PRLR: variants seen among roughly 807,000 people sequenced by gnomAD.
PRLR encodes the protein prolactin receptor.
Under a neutral mutation model 40.2 loss-of-function variants are expected in PRLR, and 13 were observed. The observed-to-expected ratio is 0.32, with a 90% CI of 0.21 to 0.51. The LOEUF is 0.51. Among genes scored for constraint, PRLR ranks in the 20% least tolerant of loss-of-function variants. The probability of loss-of-function intolerance (pLI) is 0.97; values close to 1 mark genes in which losing one functional copy is unlikely to be tolerated. For synonymous variants in PRLR, 269 were observed against 278.7 expected (o/e 0.97, Z 0.35); for missense variants, 656 against 747.3 (o/e 0.88, Z 1.42).
At chr5:35,225,045 A>G (rs13354826) in intron 1 of PRLR, among the ~76,000 whole-genome samples, 42,459 of 152,038 alleles carry the variant, frequency 0.28, 7,130 homozygotes, top group South Asian at 0.44. Context: ...ACTGCATGAG[A>G]TTACTTATTT....
intron 7 of PRLR, among the ~76,000 whole-genome samples, 183 bp from the exon 8 acceptor site, chr5:35,069,061 T>C: frequency 1.3e-5 from 2 of 152,342 alleles, no homozygotes; most frequent in South Asian, 4.1e-4. Context: ...TATTAATATG[T>C]TAATATGTTG....
intron 1 of PRLR, among the ~76,000 whole-genome samples, chr5:35,219,080 G>A (rs115672590): frequency 0.03 from 4,537 of 152,236 alleles, 89 homozygotes; most frequent in Middle Eastern, 0.071. Context: ...GTTTAGATGT[G>A]AGGCCTTCCT....
At chr5:35,078,963 G>A (rs985031968) in intron 5 of PRLR, among the ~76,000 whole-genome samples, 3 of 152,148 alleles carry the variant, frequency 2.0e-5, no homozygotes, top group Non-Finnish European at 4.4e-5. Flanking sequence ...AAAACCACAT[G>A]ATTATCTCAA....
intron 5 of PRLR, 103 bp downstream of exon 5, chr5:35,084,367 T>C: frequency 8.6e-7 from 1 of 1,165,022 alleles, no homozygotes; most frequent in Non-Finnish European, 1.2e-6. Flanking sequence ...TCATCTTTCT[T>C]TTTGGGGATC....
intron 1 of PRLR, among the ~76,000 whole-genome samples, chr5:35,168,268 G>A (rs7729932): frequency 0.29 from 43,394 of 151,776 alleles, 6,337 homozygotes; most frequent in Middle Eastern, 0.34. Context: ...GAAGATGTTA[G>A]CGCACCATTC....
At chr5:35,085,836 T>G (rs2112460812) in intron 4 of PRLR, among the ~76,000 whole-genome samples, 1 of 152,322 alleles carries the variant, frequency 6.6e-6, no homozygotes, top group African/African-American at 2.4e-5. Flanking sequence ...TTTGAAACAT[T>G]ACATCAATAT....
chr5:35,204,959 C>T (rs1454279102), intron 1 of PRLR, among the ~76,000 whole-genome samples: 2 of 151,998 alleles, frequency 1.3e-5, no homozygotes, highest in Non-Finnish European at 1.5e-5. Context: ...CCCTTCTTCC[C>T]CAGGACACTT....
chr5:35,215,712 T>C (rs1212792262), intron 1 of PRLR, among the ~76,000 whole-genome samples: 1 of 151,954 alleles, frequency 6.6e-6, no homozygotes, highest in East Asian at 1.9e-4. Context: ...TTCTGGGTCC[T>C]TGGAAGAGTG....
chr5:35,080,146 A>G (rs981887073), intron 5 of PRLR, among the ~76,000 whole-genome samples: 3 of 152,240 alleles, frequency 2.0e-5, no homozygotes, highest in Non-Finnish European at 4.4e-5. Flanking sequence ...CTTCATGACT[A>G]AAACACCAAA....
chr5:35,091,456 G>A (rs1300348024), intron 2 of PRLR, among the ~76,000 whole-genome samples: 1 of 152,196 alleles, frequency 6.6e-6, no homozygotes, highest in African/African-American at 2.4e-5. Flanking sequence ...GCAGCTACAG[G>A]TTTTAACAGA....
At chr5:35,075,538 G>A (rs1012847261) in intron 5 of PRLR, among the ~76,000 whole-genome samples, 40 of 152,342 alleles carry the variant, frequency 2.6e-4, no homozygotes, top group African/African-American at 9.6e-4. Flanking sequence ...AAAGTGGCCA[G>A]GAAGCTGGAA....
rs58727265 is a variant in PRLR, at chr5:35,119,386, TCACA to T, written c.-105-1268_-105-1265del. Among the ~76,000 whole-genome samples, 80 of 145,720 alleles carry T rather than the reference TCACA, an allele frequency of 5.5e-4. 1 individual carries two copies. The highest frequency in any genetic ancestry group is 1.8e-3 in the South Asian group (8 of 4,526). On this transcript the variant is annotated intron_variant, in intron 1 of 9. Coordinates refer to ENST00000618457, the MANE Select transcript of PRLR (RefSeq NM_000949.7). ...CATTGACAACCTCTCTCTCTCTCTC[TCACA>T]CACACACACACACACACACACACAC...
At chr5:35,194,269 C>G (rs1476426669) in intron 1 of PRLR, among the ~76,000 whole-genome samples, 2 of 152,132 alleles carry the variant, frequency 1.3e-5, no homozygotes, top group Non-Finnish European at 1.5e-5. Flanking sequence ...TGACATGGTT[C>G]CTGCCCTCAT....
chr5:35,085,599 T>G (rs563484798), intron 4 of PRLR, among the ~76,000 whole-genome samples: 1 of 152,300 alleles, frequency 6.6e-6, no homozygotes, highest in East Asian at 1.9e-4. Flanking sequence ...CCCTACAAGG[T>G]TCTTTATTTT....
intron 1 of PRLR, among the ~76,000 whole-genome samples, chr5:35,210,924 C>T (rs934450784): frequency 6.6e-6 from 1 of 152,106 alleles, no homozygotes; most frequent in Non-Finnish European, 1.5e-5. Context: ...GTTGCCCAGG[C>T]TGGTCTCAAA....
At chr5:35,173,954 G>A (rs1283419988) in intron 1 of PRLR, among the ~76,000 whole-genome samples, 1 of 152,000 alleles carries the variant, frequency 6.6e-6, no homozygotes, top group African/African-American at 2.4e-5. Flanking sequence ...TTTACATTAG[G>A]TATATCTCCT....
chr5:35,203,927 G>A (rs906928745), intron 1 of PRLR, among the ~76,000 whole-genome samples: 15 of 151,810 alleles, frequency 9.9e-5, no homozygotes, highest in Non-Finnish European at 1.2e-4. Context: ...CGAGAAAGTC[G>A]GATTGATTTT....
chr5:35,084,156 C>T (rs898760840), intron 5 of PRLR, among the ~76,000 whole-genome samples: 3 of 152,064 alleles, frequency 2.0e-5, no homozygotes, highest in Non-Finnish European at 2.9e-5. Context: ...AAGGAAGAAG[C>T]GGACATCAAT....
At chr5:35,222,504 A>G (rs547572709) in intron 1 of PRLR, among the ~76,000 whole-genome samples, 62 of 152,276 alleles carry the variant, frequency 4.1e-4, no homozygotes, top group African/African-American at 1.3e-3. Context: ...AACTATAAAT[A>G]TGCAAGGCCA....
Sources: gnomAD v4.1 joint callset for allele counts (sites outside exome capture counted in the v4.1 genomes callset) on GRCh38, gnomAD v4.1.1 for gene constraint, MANE v1.5 for transcripts, NCBI Gene and HGNC (gene_info 2026-07-23, HGNC 2026-07-21) for gene names.